PIEZO1: variants seen among roughly 807,000 people sequenced by gnomAD.
PIEZO1 encodes the protein piezo type mechanosensitive ion channel component 1 (Er blood group), also known as piezo-type mechanosensitive ion channel component 1.
In PIEZO1, 296 loss-of-function variants were observed where a neutral mutation model predicts 297.2. The observed-to-expected ratio is 1.00, with a 90% CI of 0.91 to 1.10. The LOEUF (loss-of-function observed/expected upper bound fraction) is 1.10. PIEZO1 is among the 50% of genes least tolerant of loss of function. PIEZO1 has a pLI of 0.00. For synonymous variants in PIEZO1, 2,427 were observed against 1,507.5 expected, an observed-to-expected ratio of 1.61 and a Z score of -14.13; for missense variants, 5,018 against 3,455.5, an observed-to-expected ratio of 1.45 and a Z score of -11.34.
At chr16:88,743,621 A>G in intron 2 of PIEZO1, 1 of 456,630 alleles carries the variant, frequency 2.2e-6, no homozygotes, top group South Asian at 1.5e-5. Context: ...GTTAGGTGAC[A>G]GACTCGGGAT....
intron 1 of PIEZO1, among the ~76,000 whole-genome samples, chr16:88,780,005 G>A (rs1341510506): frequency 2.0e-5 from 3 of 152,200 alleles, no homozygotes; most frequent in Non-Finnish European, 4.4e-5. Flanking sequence ...CTTTTACGGT[G>A]TCACTTACAG....
intron 2 of PIEZO1, among the ~76,000 whole-genome samples, chr16:88,746,809 G>C (rs1906082617): frequency 6.6e-6 from 1 of 152,208 alleles, no homozygotes; most frequent in African/African-American, 2.4e-5. Flanking sequence ...GCTGATTAAA[G>C]GAAAGTGTTT....
At chr16:88,744,785 C>T (rs1283402738) in intron 2 of PIEZO1, among the ~76,000 whole-genome samples, 1 of 152,076 alleles carries the variant, frequency 6.6e-6, no homozygotes, top group Non-Finnish European at 1.5e-5. Flanking sequence ...GAGGCCACTC[C>T]TGGCCACGTG....
At chr16:88,739,111 T>G in intron 5 of PIEZO1, 1 of 219,168 alleles carries the variant, frequency 4.6e-6, no homozygotes, top group Non-Finnish European at 9.1e-6. Context: ...GCCCTGTCTA[T>G]ACCCCGGGGG....
chr16:88,721,166 C>A lies in PIEZO1; in HGVS notation c.5668G>T (p.Glu1890Ter). The A allele has an allele frequency of 6.7e-7, 1 of 1,499,504 alleles. No individual in the cohort carries two copies. Among genetic ancestry groups the A allele is most frequent in the Non-Finnish European group, 8.9e-7 (1 of 1,125,490 alleles). 92.9% of individuals were successfully genotyped at this position (1,499,504 alleles called of 1,614,324 possible). A position where few individuals can be genotyped will look rare whatever the true frequency, so the allele number is the denominator to read the frequency against. Residue 1890 changes from glutamate to a stop codon, truncating the protein, a stop_gained and splice_region_variant, in exon 39 of 51, where the codon GAA (glutamate) becomes TAA (stop). Coordinates refer to ENST00000301015, the MANE Select transcript of PIEZO1 (RefSeq NM_001142864.4). LOFTEE classifies it high-confidence loss of function. Reference sequence around the variant, plus strand: ...AGGTTGTGAGGCAGGGCGCTTATACCGATGGCTGCCGCTCCTTTCCGTGCT... The same window carrying A: ...AGGTTGTGAGGCAGGGCGCTTATACAGATGGCTGCCGCTCCTTTCCGTGCT... ...GPARKGAAAI[E>*]AEDREEEEGE...
chr16:88,777,022 G>A (rs1207623183), intron 1 of PIEZO1, among the ~76,000 whole-genome samples: 1 of 152,224 alleles, frequency 6.6e-6, no homozygotes, highest in African/African-American at 2.4e-5. Context: ...GCCCAGGCTG[G>A]AGTGCAATGG....
chr16:88,784,732 GGCGCGCTCATGCTTCA>G (rs1217632375), intron 1 of PIEZO1, among the ~76,000 whole-genome samples, 153 bp downstream of exon 1: 1 of 151,508 alleles, frequency 6.6e-6, no homozygotes, highest in Non-Finnish European at 1.5e-5. Flanking sequence ...GCCGCCGCCT[GGCGCGCTCATGCTTCA>G]GGAATGCGGG....
At chr16:88,754,298 C>G (rs921606947) in intron 1 of PIEZO1, among the ~76,000 whole-genome samples, 1 of 152,148 alleles carries the variant, frequency 6.6e-6, no homozygotes, top group Non-Finnish European at 1.5e-5. Context: ...TGGGTGCTGG[C>G]CAGGAAAGCC....
rs751502624 is a variant in PIEZO1 at position 88,725,690 on chromosome 16, G to C, written c.3969-6C>G. On this transcript the variant is annotated splice_polypyrimidine_tract_variant and splice_region_variant and intron_variant, in intron 27 of 50. Coordinates refer to ENST00000301015, the MANE Select transcript of PIEZO1 (RefSeq NM_001142864.4). ...CGTTGTAGAGGGCGAAGCCCCTGTAGGGAGGCGGGGATGGGGTGTGAGCAC... is the reference window on the plus strand; with the variant it reads ...CGTTGTAGAGGGCGAAGCCCCTGTACGGAGGCGGGGATGGGGTGTGAGCAC... The C allele has an allele frequency of 6.9e-7, 1 of 1,456,330 alleles. No individual in the cohort carries two copies. The highest frequency in any genetic ancestry group is 1.2e-5 in the South Asian group (1 of 82,374). 90.2% of individuals were successfully genotyped at this position (1,456,330 alleles called of 1,614,324 possible).
intron 22 of PIEZO1, among the ~76,000 whole-genome samples, chr16:88,728,315 C>T (rs1481038920): frequency 6.6e-6 from 1 of 152,278 alleles, no homozygotes; most frequent in Non-Finnish European, 1.5e-5. Flanking sequence ...GGACTGAGGG[C>T]ATGGATGTGA....
rs1314912174 is a variant in PIEZO1, at chr16:88,716,428, G to C, written c.6982C>G (p.Leu2328Val). The C allele has an allele frequency of 7.1e-6, 11 of 1,549,666 alleles. No homozygotes were observed. The Admixed American group carries it at 2.0e-4, about 28-fold the overall frequency. ...CGCCGTGCAGTGCTGTTGGGGGCCA[G>C]GGCCAGCATGTGCTTCTCGTTGGCA... ...EYANEKHMLA[L>V]APNSTARRQL... The change falls in exon 48 of 51, where the codon CTG (leucine) becomes GTG (valine). Residue 2328 changes from leucine to valine, a missense_variant. Leu to Val is a conservative substitution (Grantham distance 32). Coordinates refer to ENST00000301015, the MANE Select transcript of PIEZO1 (RefSeq NM_001142864.4).
intron 1 of PIEZO1, among the ~76,000 whole-genome samples, chr16:88,754,106 A>T (rs1486194671): frequency 6.6e-6 from 1 of 152,124 alleles, no homozygotes; most frequent in East Asian, 1.9e-4. Flanking sequence ...CCCTCGCCTC[A>T]CCAGCACACG....
intron 47 of PIEZO1, 34 bp downstream of exon 47, chr16:88,716,525 C>G (rs1195803953): frequency 1.3e-6 from 2 of 1,535,502 alleles, no homozygotes; most frequent in South Asian, 2.4e-5. Flanking sequence ...AGTGGGTCCA[C>G]CCACCCAGGC....
At chr16:88,755,113 G>A (rs961749728) in intron 1 of PIEZO1, among the ~76,000 whole-genome samples, 9 of 152,312 alleles carry the variant, frequency 5.9e-5, no homozygotes, top group Middle Eastern at 3.4e-3. Flanking sequence ...GATCTGTCCC[G>A]TACAGTCCTG....
At position 88,783,841 on chromosome 16, in the gene PIEZO1, C is replaced by T. The variant is rs528166678; in HGVS notation, c.64+1060G>A. 5.8e-4 allele frequency among the ~76,000 whole-genome samples: 88 copies of T among 152,364 alleles called. No individual in the cohort carries two copies. In the South Asian group the frequency reaches 6.4e-3, roughly 11 times the overall value. On this transcript the variant is annotated intron_variant, in intron 1 of 50. Coordinates refer to ENST00000301015, the MANE Select transcript of PIEZO1 (RefSeq NM_001142864.4). ...CTGTCTGGGAGCCTCAGGCAGGCGG[C>T]TCTAGATCCCCAAAGCTAGCGCTGG...
At position 88,727,084 on chromosome 16, in the gene PIEZO1, G is replaced by C; in HGVS notation, c.3410C>G (p.Pro1137Arg). The C allele has an allele frequency of 6.5e-7, 1 of 1,549,734 alleles. No individual in the cohort carries two copies. The highest frequency in any genetic ancestry group is 1.7e-4 in the Middle Eastern group (1 of 5,992). ...CACGGGGTTGGGCTCCCCCCGCAGC[G>C]GCTCCAGGCGGTCGGTGTTGACGCC... ...MAGVNTDRLE[P>R]LRGEPNPVPN... The change falls in exon 24 of 51, where the codon CCG becomes CGG. Residue 1137 changes from proline to arginine, a missense_variant. Transcript: ENST00000301015.
chr16:88,762,187 G>A (rs1044356993), intron 1 of PIEZO1, among the ~76,000 whole-genome samples: 1 of 152,204 alleles, frequency 6.6e-6, no homozygotes, highest in Non-Finnish European at 1.5e-5. Flanking sequence ...ACCTCTGTGA[G>A]CAGCAAGGTC....
chr16:88,753,182 TC>T (rs1440154287), intron 1 of PIEZO1, among the ~76,000 whole-genome samples: 1 of 49,602 alleles, frequency 2.0e-5, no homozygotes, highest in African/African-American at 8.5e-5. Flanking sequence ...CACCTATCCA[TC>T]CCCAGAGCAC....
At chr16:88,748,894 C>T (rs1174665256) in intron 2 of PIEZO1, among the ~76,000 whole-genome samples, 1 of 141,818 alleles carries the variant, frequency 7.1e-6, no homozygotes, top group Non-Finnish European at 1.5e-5. Flanking sequence ...GATTGTGCCA[C>T]TGCACTCCAG....
Sources: gnomAD v4.1 joint callset for allele counts (sites outside exome capture counted in the v4.1 genomes callset) on GRCh38, gnomAD v4.1.1 for gene constraint, MANE v1.5 for transcripts, NCBI Gene and HGNC (gene_info 2026-07-23, HGNC 2026-07-21) for gene names.